The following TARS3 variants were observed in gnomAD, a reference collection of about 807,000 sequenced individuals.
TARS3 encodes threonine--tRNA ligase 2, cytoplasmic.
A neutral mutation model predicts 103.5 loss-of-function variants in TARS3; 94 were observed. That is an observed-to-expected ratio of 0.91 (90% confidence interval 0.77 to 1.08). The LOEUF is 1.08. Ranked by LOEUF, TARS3 falls within the 50% of genes least tolerant of loss-of-function variation. The probability of loss-of-function intolerance (pLI) is 0.00; values close to 1 mark genes in which losing one functional copy is unlikely to be tolerated. For synonymous variants in TARS3, 416 were observed against 355.4 expected, an observed-to-expected ratio of 1.17 and a Z score of -1.92; for missense variants, 952 against 995.2, an observed-to-expected ratio of 0.96 and a Z score of 0.58.
In TARS3 at chr15:101,721,337, A is replaced by G; in HGVS notation, c.370-15T>C. Reference sequence around the variant, plus strand: ...TGATGCTTCACCTGGAAATTATTAGAACATAATGAGATTAATATATACAGC... The same window carrying G: ...TGATGCTTCACCTGGAAATTATTAGGACATAATGAGATTAATATATACAGC... On this transcript the variant is annotated splice_polypyrimidine_tract_variant and intron_variant, in intron 2 of 18. Coordinates refer to ENST00000335968, the MANE Select transcript of TARS3 (RefSeq NM_152334.3). The G allele has an allele frequency of 6.3e-7, 1 of 1,598,470 alleles. No individual in the cohort carries two copies. The highest frequency in any genetic ancestry group is 8.6e-7 in the Non-Finnish European group (1 of 1,166,588).
chr15:101,705,776 T>C (rs371310126), intron 6 of TARS3, 29 bp from the exon 7 acceptor site: 1 of 1,518,256 alleles, frequency 6.6e-7, no homozygotes, highest in African/African-American at 1.4e-5. Context: ...TTACACATTA[T>C]TACACACAAT....
intron 9 of TARS3, among the ~76,000 whole-genome samples, chr15:101,701,414 A>G (rs1899269889): frequency 6.6e-6 from 1 of 152,144 alleles, no homozygotes; most frequent in African/African-American, 2.4e-5. Flanking sequence ...TTCTCTGCGA[A>G]TTTTCTTACT....
Position 101,723,166 on chromosome 15 carries a change from T to C in TARS3, c.298-2A>G. The C allele has an allele frequency of 6.2e-7, 1 of 1,613,362 alleles. No homozygotes were observed. Among genetic ancestry groups the C allele is most frequent in the Non-Finnish European group, 8.5e-7 (1 of 1,179,402 alleles). ...GTCTTGGCTTTGACTAGGAGGAGGCTGAAAGATAAATTATAAATGACTCAC... is the reference window on the plus strand; with the variant it reads ...GTCTTGGCTTTGACTAGGAGGAGGCCGAAAGATAAATTATAAATGACTCAC... On this transcript the variant is annotated splice_acceptor_variant, in intron 1 of 18. Transcript: ENST00000335968. LOFTEE classifies it high-confidence loss of function.
intron 15 of TARS3, among the ~76,000 whole-genome samples, chr15:101,662,992 A>T (rs1897440307): frequency 6.6e-6 from 1 of 152,238 alleles, no homozygotes; most frequent in Non-Finnish European, 1.5e-5. Flanking sequence ...GAAGAGAATA[A>T]CTTCACAATG....
At chr15:101,703,354 C>A (rs1445521133) in intron 8 of TARS3, among the ~76,000 whole-genome samples, 1 of 152,166 alleles carries the variant, frequency 6.6e-6, no homozygotes, top group Non-Finnish European at 1.5e-5. Flanking sequence ...CTTCGGGAGG[C>A]TGAGGCAGGC....
chr15:101,692,778 T>G (rs1455017470), intron 10 of TARS3, among the ~76,000 whole-genome samples: 1 of 152,204 alleles, frequency 6.6e-6, no homozygotes, highest in Non-Finnish European at 1.5e-5. Flanking sequence ...CAGGCCCATA[T>G]CTCCATAAAT....
chr15:101,675,577 G>C, intron 13 of TARS3, 23 bp downstream of exon 13: 1 of 1,601,048 alleles, frequency 6.2e-7, no homozygotes, highest in Non-Finnish European at 8.5e-7. Flanking sequence ...AAATGAAGAG[G>C]AAGCACAAGG....
chr15:101,720,616 G>A (rs1900400596), intron 3 of TARS3, among the ~76,000 whole-genome samples: 1 of 151,568 alleles, frequency 6.6e-6, no homozygotes, highest in Non-Finnish European at 1.5e-5. Flanking sequence ...AGAAGCCAGA[G>A]GAAAAAAATT....
chr15:101,669,619 G>C (rs1315926474), intron 15 of TARS3, among the ~76,000 whole-genome samples: 1 of 152,110 alleles, frequency 6.6e-6, no homozygotes, highest in East Asian at 1.9e-4. Flanking sequence ...TAATTTTACT[G>C]TACCTTTTCT....
chr15:101,697,740 T>G (rs962849624), intron 10 of TARS3, among the ~76,000 whole-genome samples: 2 of 152,154 alleles, frequency 1.3e-5, no homozygotes, highest in African/African-American at 2.4e-5. Context: ...CTACTGTAAG[T>G]GCACCTAGTA....
intron 10 of TARS3, among the ~76,000 whole-genome samples, chr15:101,688,003 C>T (rs1898547305): frequency 6.6e-6 from 1 of 151,982 alleles, no homozygotes; most frequent in Admixed American, 6.6e-5. Context: ...TATAAGCTAC[C>T]CAGTCTAGGG....
chr15:101,673,352 T>C (rs1453252837), intron 13 of TARS3, among the ~76,000 whole-genome samples: 1 of 152,110 alleles, frequency 6.6e-6, no homozygotes, highest in Non-Finnish European at 1.5e-5. Context: ...TTCAAATGAA[T>C]GGAGTAATGA....
At chr15:101,671,465 T>G in intron 15 of TARS3, 21 bp downstream of exon 15, 3 of 1,547,178 alleles carry the variant, frequency 1.9e-6, no homozygotes, top group Non-Finnish European at 2.7e-6. Context: ...ACTATAATAT[T>G]TATCACATTC....
chr15:101,692,108 T>C (rs1898753465), intron 10 of TARS3, among the ~76,000 whole-genome samples: 1 of 152,244 alleles, frequency 6.6e-6, no homozygotes, highest in Admixed American at 6.5e-5. Context: ...TCCATATGGT[T>C]TCTGATTGGG....
chr15:101,703,798 A>C, intron 8 of TARS3, 61 bp downstream of exon 8: 2 of 1,008,192 alleles, frequency 2.0e-6, no homozygotes, highest in Non-Finnish European at 3.1e-6. Context: ...AGATATGATT[A>C]AAATCCTTTA....
Position 101,686,074 on chromosome 15 carries a change from A to G in TARS3, c.1321-12T>C. On this transcript the variant is annotated splice_polypyrimidine_tract_variant and intron_variant, in intron 10 of 18. Coordinates refer to ENST00000335968, the MANE Select transcript of TARS3 (RefSeq NM_152334.3). ...TTGTGATATTCCTCCTTCAAGATAC[A>G]TGCATTCAACATTAAAATCTGCTAG... 6.3e-7 allele frequency: 1 copy of G among 1,590,720 alleles called. No homozygotes were observed. The highest frequency in any genetic ancestry group is 8.6e-7 in the Non-Finnish European group (1 of 1,164,680).
intron 10 of TARS3, among the ~76,000 whole-genome samples, chr15:101,695,099 T>C (rs939568644): frequency 2.6e-5 from 4 of 152,260 alleles, no homozygotes; most frequent in Non-Finnish European, 5.9e-5. Context: ...ATGTGTATTT[T>C]ACCACAAAAT....
intron 2 of TARS3, 126 bp downstream of exon 2, chr15:101,722,967 T>C (rs1900563733): frequency 1.1e-6 from 1 of 879,440 alleles, no homozygotes; most frequent in Non-Finnish European, 1.8e-6. Context: ...AAGTTTTAAA[T>C]ACACTAATGT....
intron 15 of TARS3, among the ~76,000 whole-genome samples, chr15:101,664,972 A>G (rs143057163): frequency 2.0e-5 from 3 of 152,374 alleles, no homozygotes; most frequent in African/African-American, 4.8e-5. Context: ...AGTTTTAAAA[A>G]GTCATTCGAT....
Sources: gnomAD v4.1 joint callset for allele counts (sites outside exome capture counted in the v4.1 genomes callset) on GRCh38, gnomAD v4.1.1 for gene constraint, MANE v1.5 for transcripts, NCBI Gene and HGNC (gene_info 2026-07-23, HGNC 2026-07-21) for gene names.